The following XKR9 variants were observed in gnomAD, a reference collection of about 807,000 sequenced individuals.
XKR9 encodes XK related 9.
In XKR9, 32 loss-of-function variants were observed where a neutral mutation model predicts 32.0. That is an observed-to-expected ratio of 1.00 (90% CI 0.76 to 1.34). The LOEUF (loss-of-function observed/expected upper bound fraction) is 1.34. Ranked by LOEUF, XKR9 falls within the 40% of genes most tolerant of loss-of-function variation. XKR9 has a pLI of 0.00. For synonymous variants in XKR9, 168 were observed against 143.4 expected, an observed-to-expected ratio of 1.17 and a Z score of -1.22; for missense variants, 546 against 429.7, an observed-to-expected ratio of 1.27 and a Z score of -2.39.
intron 2 of XKR9, among the ~76,000 whole-genome samples, chr8:70,744,079 G>A (rs1807024524): frequency 6.6e-6 from 1 of 152,076 alleles, no homozygotes; most frequent in South Asian, 2.1e-4. Context: ...GGGAGGCTGA[G>A]GCGGGTGCAT....
At chr8:70,831,284 C>G in the XKR9 span, among the ~76,000 whole-genome samples, 1 of 107,160 alleles carries the variant, frequency 9.3e-6, no homozygotes, top group African/African-American at 3.6e-5. Context: ...GAGCTAGACT[C>G]TGTCTCAAAA....
the XKR9 span, among the ~76,000 whole-genome samples, chr8:71,058,806 G>T: frequency 1.3e-5 from 2 of 152,220 alleles, no homozygotes; most frequent in Non-Finnish European, 2.9e-5. Flanking sequence ...ACTCAATGGG[G>T]TGATACAAGA....
At chr8:70,874,061 T>A in the XKR9 span, among the ~76,000 whole-genome samples, 2 of 152,178 alleles carry the variant, frequency 1.3e-5, no homozygotes, top group African/African-American at 4.8e-5. Context: ...TTTTTAAGAG[T>A]AAAATATTTT....
intron 2 of XKR9, among the ~76,000 whole-genome samples, chr8:70,761,403 G>A (rs1807307232): frequency 6.6e-6 from 1 of 151,926 alleles, no homozygotes; most frequent in Non-Finnish European, 1.5e-5. Flanking sequence ...AAGCCACTCT[G>A]ACTGGTGTGA....
At chr8:70,866,510 T>G in the XKR9 span, among the ~76,000 whole-genome samples, 7,462 of 152,270 alleles carry the variant, frequency 0.049, 828 homozygotes, top group East Asian at 0.27. Context: ...CTAGAGGCAT[T>G]TCTGCTGAGT....
At chr8:70,678,079 T>G (rs1478854347) in intron 2 of XKR9, 1 of 152,202 alleles carries the variant, frequency 6.6e-6, no homozygotes, top group African/African-American at 2.4e-5. Flanking sequence ...TCCTTCAAGC[T>G]GGAAGGCTTT....
intron 2 of XKR9, among the ~76,000 whole-genome samples, chr8:70,751,999 G>A (rs1807149193): frequency 6.6e-6 from 1 of 152,136 alleles, no homozygotes; most frequent in South Asian, 2.1e-4. Flanking sequence ...GGAGAACCCT[G>A]ACTAATACAT....
At chr8:70,748,303 C>CCTGGG (rs928218225) in intron 2 of XKR9, among the ~76,000 whole-genome samples, 3 of 152,176 alleles carry the variant, frequency 2.0e-5, no homozygotes, top group Admixed American at 6.5e-5. Flanking sequence ...CAGCTCTAGA[C>CCTGGG]CTGGGCATCC....
At chr8:70,851,817 A>T in the XKR9 span, among the ~76,000 whole-genome samples, 1 of 152,234 alleles carries the variant, frequency 6.6e-6, no homozygotes, top group Non-Finnish European at 1.5e-5. Flanking sequence ...TAAGACCTAA[A>T]ACCATAAACA....
At chr8:70,857,068 A>T in the XKR9 span, among the ~76,000 whole-genome samples, 1 of 152,192 alleles carries the variant, frequency 6.6e-6, no homozygotes, top group African/African-American at 2.4e-5. Context: ...AAAGAACTAG[A>T]GAAGCAAGAG....
At chr8:70,751,261 C>G (rs1383577518) in intron 2 of XKR9, among the ~76,000 whole-genome samples, 2 of 152,188 alleles carry the variant, frequency 1.3e-5, no homozygotes, top group Non-Finnish European at 2.9e-5. Context: ...TCCCAAGTAG[C>G]TGGGATTACA....
chr8:70,994,630 A>C, the XKR9 span, among the ~76,000 whole-genome samples: 3 of 152,042 alleles, frequency 2.0e-5, no homozygotes, highest in Admixed American at 2.0e-4. Flanking sequence ...GTTTGTCATT[A>C]ATTTGGGGAG....
chr8:70,839,685 A>G, the XKR9 span, among the ~76,000 whole-genome samples: 1 of 152,130 alleles, frequency 6.6e-6, no homozygotes, highest in Non-Finnish European at 1.5e-5. Flanking sequence ...ATGTTTGTCT[A>G]ATCAACAGAG....
the XKR9 span, among the ~76,000 whole-genome samples, chr8:70,809,056 G>A: frequency 6.6e-6 from 1 of 152,218 alleles, no homozygotes; most frequent in African/African-American, 2.4e-5. Context: ...AGTAGGGGCA[G>A]ACTGACACCT....
chr8:70,819,997 T>A, the XKR9 span, among the ~76,000 whole-genome samples: 1 of 152,214 alleles, frequency 6.6e-6, no homozygotes, highest in African/African-American at 2.4e-5. Context: ...TACAAACTTA[T>A]GATGGAAAGC....
intron 2 of XKR9, among the ~76,000 whole-genome samples, chr8:70,745,292 A>C (rs752940565): frequency 6.6e-6 from 1 of 152,190 alleles, no homozygotes; most frequent in Non-Finnish European, 1.5e-5. Flanking sequence ...GCTTTATAAG[A>C]CTTTTAAATT....
At chr8:70,929,504 C>T in the XKR9 span, among the ~76,000 whole-genome samples, 6 of 152,158 alleles carry the variant, frequency 3.9e-5, no homozygotes, top group Non-Finnish European at 7.4e-5. Context: ...CCTTACAAGA[C>T]AGAAATCAAC....
chr8:71,002,978 G>GACATTC, the XKR9 span, among the ~76,000 whole-genome samples: 1 of 152,342 alleles, frequency 6.6e-6, no homozygotes, highest in Non-Finnish European at 1.5e-5. Flanking sequence ...GTGAGGAGAT[G>GACATTC]ACATTCACAT....
At chr8:70,669,883 GTCTTGA>G (rs1161640368) in intron 1 of XKR9, among the ~76,000 whole-genome samples, 1 of 151,826 alleles carries the variant, frequency 6.6e-6, no homozygotes, top group East Asian at 1.9e-4. Flanking sequence ...AGCCAGGAAG[GTCTTGA>G]TCTCCTGACC....
Sources: gnomAD v4.1 joint callset for allele counts (sites outside exome capture counted in the v4.1 genomes callset) on GRCh38, gnomAD v4.1.1 for gene constraint, MANE v1.5 for transcripts, NCBI Gene and HGNC (gene_info 2026-07-23, HGNC 2026-07-21) for gene names.